The following CYP4X1 variants were observed in gnomAD, a reference collection of about 807,000 sequenced individuals.
CYP4X1 encodes cytochrome P450 4X1.
A neutral mutation model predicts 57.9 loss-of-function variants in CYP4X1; 44 were observed. The observed-to-expected ratio is 0.76, with a 90% CI of 0.60 to 0.98. The LOEUF (loss-of-function observed/expected upper bound fraction) is 0.98. Ranked by LOEUF, CYP4X1 falls within the 50% of genes least tolerant of loss-of-function variation. The pLI is 0.00. For synonymous variants in CYP4X1, 227 were observed against 228.6 expected, an observed-to-expected ratio of 0.99 and a Z score of 0.06; for missense variants, 532 against 623.9, an observed-to-expected ratio of 0.85 and a Z score of 1.57.
chr1:47,015,410 G>A, the CYP4X1 span, among the ~76,000 whole-genome samples: 48 of 152,194 alleles, frequency 3.2e-4, no homozygotes, highest in African/African-American at 1.0e-3. Flanking sequence ...CAGCTGCTCC[G>A]AATCCCTGCC....
At chr1:47,038,624 A>G (rs757594947) in intron 6 of CYP4X1, 36 bp from the exon 7 acceptor site, 4 of 1,524,268 alleles carry the variant, frequency 2.6e-6, no homozygotes, top group South Asian at 2.4e-5. Context: ...TGACTTTGCC[A>G]TCACTTTGGT....
At chr1:47,037,181 A>C (rs563965345) in intron 6 of CYP4X1, among the ~76,000 whole-genome samples, 4 of 152,168 alleles carry the variant, frequency 2.6e-5, no homozygotes, top group Non-Finnish European at 5.9e-5. Context: ...TTTACTTTTT[A>C]AATATTATAC....
the CYP4X1 span, among the ~76,000 whole-genome samples, chr1:46,968,763 T>C: frequency 6.6e-6 from 1 of 152,228 alleles, no homozygotes; most frequent in African/African-American, 2.4e-5. Flanking sequence ...TGTGTTTCTA[T>C]ATAACACGTT....
At chr1:47,010,271 A>C in the CYP4X1 span, among the ~76,000 whole-genome samples, 4 of 152,222 alleles carry the variant, frequency 2.6e-5, no homozygotes, top group African/African-American at 9.7e-5. Flanking sequence ...GCAAATCAAT[A>C]AATGTAATCC....
intron 1 of CYP4X1, among the ~76,000 whole-genome samples, chr1:47,029,609 G>A (rs147092775): frequency 3.9e-5 from 6 of 152,236 alleles, no homozygotes; most frequent in Admixed American, 1.3e-4. Context: ...TTTAGTAACT[G>A]TTAGTTTCCC....
At chr1:47,042,680 C>T (rs1278641591) in intron 8 of CYP4X1, among the ~76,000 whole-genome samples, 2 of 152,166 alleles carry the variant, frequency 1.3e-5, no homozygotes, top group African/African-American at 4.8e-5. Flanking sequence ...CATAGCTTAG[C>T]TCCCACTTAT....
At chr1:47,007,739 T>C in the CYP4X1 span, among the ~76,000 whole-genome samples, 1 of 152,164 alleles carries the variant, frequency 6.6e-6, no homozygotes, top group African/African-American at 2.4e-5. Flanking sequence ...TTAAAGGACC[T>C]GACGGAGCCG....
At chr1:47,005,385 G>C in the CYP4X1 span, among the ~76,000 whole-genome samples, 1 of 152,122 alleles carries the variant, frequency 6.6e-6, no homozygotes, top group African/African-American at 2.4e-5. Flanking sequence ...TTTGGAGTCT[G>C]GGGGTTTGGC....
At chr1:46,993,851 T>C in the CYP4X1 span, among the ~76,000 whole-genome samples, 1 of 152,196 alleles carries the variant, frequency 6.6e-6, no homozygotes, top group Non-Finnish European at 1.5e-5. Context: ...GATGAGTAGA[T>C]TGCAAAAATT....
chr1:46,997,834 TC>T, the CYP4X1 span, among the ~76,000 whole-genome samples: 1 of 152,202 alleles, frequency 6.6e-6, no homozygotes. Flanking sequence ...GGATAAGTGT[TC>T]CCTTTTCTAC....
chr1:46,999,020 C>T, the CYP4X1 span, among the ~76,000 whole-genome samples: 2 of 90,852 alleles, frequency 2.2e-5, no homozygotes, highest in African/African-American at 1.4e-4. Flanking sequence ...CTTGGGCTTG[C>T]TTTCTTTGTG....
At chr1:47,015,063 G>T in the CYP4X1 span, among the ~76,000 whole-genome samples, 1 of 152,138 alleles carries the variant, frequency 6.6e-6, no homozygotes, top group African/African-American at 2.4e-5. Context: ...ACCCATATGG[G>T]TCTGTGCAGT....
At chr1:47,019,932 T>G (rs8034132), upstream of CYP4X1, among the ~76,000 whole-genome samples, 769 of 152,370 alleles carry the variant, frequency 5.0e-3, 4 homozygotes, top group African/African-American at 0.017. Flanking sequence ...CTGTCCTTAT[T>G]ATATTTCAAG....
At chr1:47,020,768 T>C (rs77623649), upstream of CYP4X1, among the ~76,000 whole-genome samples, 1 of 152,236 alleles carries the variant, frequency 6.6e-6, no homozygotes, top group Non-Finnish European at 1.5e-5. Flanking sequence ...ATTCATTTAT[T>C]ATTAAGTAAT....
chr1:47,033,386 G>C lies in CYP4X1; in HGVS notation c.492+18G>C. 6.2e-7 allele frequency: 1 copy of C among 1,613,306 alleles called. No individual in the cohort carries two copies. On this transcript the variant is annotated intron_variant, in intron 4 of 11. Transcript: ENST00000371901. Reference sequence around the variant, plus strand: ...TGATGCTGGTAAGTAAAGGGGGAAAGTGCTCTGTGCATTGCGAAATGCTCC... The same window carrying C: ...TGATGCTGGTAAGTAAAGGGGGAAACTGCTCTGTGCATTGCGAAATGCTCC...
rs1040727667 is a variant in CYP4X1, at chr1:47,035,797, C to A, written c.493-9C>A. Reference sequence around the variant, plus strand: ...TGGTGATGATGTTGGTCTTGACCTCCTGTGCCAGGATAAGTGGGAGAAGAT... The same window carrying A: ...TGGTGATGATGTTGGTCTTGACCTCATGTGCCAGGATAAGTGGGAGAAGAT... On this transcript the variant is annotated splice_polypyrimidine_tract_variant and intron_variant, in intron 4 of 11. Coordinates refer to ENST00000371901, the MANE Select transcript of CYP4X1 (RefSeq NM_178033.2). 22 of 1,610,316 alleles carry A rather than the reference C, an allele frequency of 1.4e-5. No individual in the cohort carries two copies. The highest frequency in any genetic ancestry group is 1.7e-4 in the Middle Eastern group (1 of 6,034).
chr1:46,961,712 G>C, the CYP4X1 span: 432 of 1,301,870 alleles, frequency 3.3e-4, no homozygotes, highest in Non-Finnish European at 4.1e-4. Context: ...TTCACTTGCA[G>C]AACCTCAAGC....
At chr1:47,008,330 A>G in the CYP4X1 span, among the ~76,000 whole-genome samples, 1 of 152,224 alleles carries the variant, frequency 6.6e-6, no homozygotes, top group Non-Finnish European at 1.5e-5. Flanking sequence ...ACTAAACTTC[A>G]TAAGTGAAGG....
the CYP4X1 span, among the ~76,000 whole-genome samples, chr1:47,007,257 T>G: frequency 2.0e-5 from 3 of 152,154 alleles, no homozygotes; most frequent in Non-Finnish European, 4.4e-5. Context: ...GGCAGCAACA[T>G]TTGCTGTTCA....
Sources: allele counts gnomAD v4.1 joint callset (sites outside exome capture counted in the v4.1 genomes callset), GRCh38; gene constraint gnomAD v4.1.1; transcripts MANE v1.5; gene names NCBI Gene and HGNC (gene_info 2026-07-23, HGNC 2026-07-21).